PLA2G2C: variants seen among roughly 807,000 people sequenced by gnomAD.
PLA2G2C encodes the protein phospholipase A2 group IIC, also known as putative inactive group IIC secretory phospholipase A2.
PLA2G2C carries 15 observed loss-of-function variants against 14.3 expected under a neutral mutation model. The observed-to-expected ratio is 1.05, with a 90% CI of 0.70 to 1.62. The LOEUF (loss-of-function observed/expected upper bound fraction) is 1.62, where lower values mean the gene tolerates loss of function less well. Among genes scored for constraint, PLA2G2C ranks in the 40% most tolerant of loss-of-function variants. The pLI, the probability that PLA2G2C is intolerant of heterozygous loss-of-function variation, is 0.00. For missense variants in PLA2G2C, 162 were observed against 173.2 expected (o/e 0.94, Z 0.36); for synonymous variants, 79 against 67.7 (o/e 1.17, Z -0.82).
intron 4 of PLA2G2C, 139 bp downstream of exon 4, chr1:20,172,655 C>G (rs2100717803): frequency 2.7e-6 from 2 of 732,890 alleles, no homozygotes; most frequent in East Asian, 2.8e-5. Flanking sequence ...TCTGGAGCAT[C>G]AGGAGAAAGC....
At chr1:20,173,970 C>T (rs964271357) in intron 3 of PLA2G2C, among the ~76,000 whole-genome samples, 8 of 152,212 alleles carry the variant, frequency 5.3e-5, no homozygotes, top group Non-Finnish European at 1.0e-4. Flanking sequence ...AACTCTGCCA[C>T]TTAGAAGCTG....
In PLA2G2C at chr1:20,164,032, A is replaced by C; in HGVS notation, c.409T>G (p.Ser137Ala). 1 of 1,613,534 alleles carries C rather than the reference A, an allele frequency of 6.2e-7. No individual in the cohort carries two copies. Among genetic ancestry groups the C allele is most frequent in the Non-Finnish European group, 8.5e-7 (1 of 1,179,730 alleles). ...TGTCTGCCACACCTGGGCTGGCTGG[A>C]GAACTGCTTGAAGTTTTTCTCATAG... ...PTYEKNFKQF[S>A]SQPRCGRHKP... The change falls in exon 5 of 5, where the codon TCC (serine) becomes GCC (alanine). Residue 137 changes from serine to alanine, a missense_variant. Physicochemically the swap from Ser to Ala is moderately conservative, Grantham distance 99. Coordinates refer to ENST00000679259, the MANE Select transcript of PLA2G2C (RefSeq NM_001367969.2).
intron 1 of PLA2G2C, among the ~76,000 whole-genome samples, chr1:20,179,359 CGTGT>C (rs769808103): frequency 4.6e-5 from 7 of 150,608 alleles, no homozygotes; most frequent in African/African-American, 1.5e-4. Flanking sequence ...GGGCTCTGTG[CGTGT>C]GTGTGTCAGC....
chr1:20,165,779 C>T (rs746677294), intron 4 of PLA2G2C, among the ~76,000 whole-genome samples: 9 of 151,768 alleles, frequency 5.9e-5, no homozygotes, highest in African/African-American at 9.7e-5. Context: ...TATGTGCGTG[C>T]GCATGTGTGT....
intron 1 of PLA2G2C, among the ~76,000 whole-genome samples, chr1:20,185,376 G>A (rs754875145): frequency 1.3e-4 from 20 of 152,170 alleles, no homozygotes; most frequent in Admixed American, 7.9e-4. Context: ...TGAGAATGCC[G>A]AGGTAATGGG....
chr1:20,180,583 C>T (rs1288034527), intron 1 of PLA2G2C, among the ~76,000 whole-genome samples: 1 of 152,242 alleles, frequency 6.6e-6, no homozygotes, highest in African/African-American at 2.4e-5. Flanking sequence ...GCTCTTTCTC[C>T]TTGCCAGTCT....
At chr1:20,164,406 G>C (rs1245326400) in intron 4 of PLA2G2C, among the ~76,000 whole-genome samples, 1 of 152,122 alleles carries the variant, frequency 6.6e-6, no homozygotes, top group African/African-American at 2.4e-5. Flanking sequence ...GCATGTGCCT[G>C]TGTATGTGTG....
chr1:20,181,161 C>T (rs1041430383), intron 1 of PLA2G2C, among the ~76,000 whole-genome samples: 5 of 152,138 alleles, frequency 3.3e-5, no homozygotes, highest in Non-Finnish European at 7.3e-5. Flanking sequence ...AGATAAGTGC[C>T]ATTATTACCC....
chr1:20,180,514 T>A (rs1345474583), intron 1 of PLA2G2C, among the ~76,000 whole-genome samples: 5 of 152,140 alleles, frequency 3.3e-5, no homozygotes, highest in Admixed American at 2.6e-4. Flanking sequence ...CCTGAAAAAA[T>A]CCACACAGCT....
At chr1:20,176,370 C>T (rs1319214439) in intron 2 of PLA2G2C, among the ~76,000 whole-genome samples, 2 of 152,102 alleles carry the variant, frequency 1.3e-5, no homozygotes, top group Non-Finnish European at 2.9e-5. Context: ...TACCTTGTTG[C>T]TATATACTCA....
chr1:20,173,126 T>C (rs865816292), intron 3 of PLA2G2C, among the ~76,000 whole-genome samples: 2 of 148,344 alleles, frequency 1.3e-5, no homozygotes, highest in Middle Eastern at 3.3e-3. Flanking sequence ...CTGGGCAACA[T>C]AGGGAGACCG....
In PLA2G2C at chr1:20,177,335, A is replaced by G; in HGVS notation, c.29T>C (p.Leu10Pro). The change falls in exon 2 of 5, where the codon CTC (leucine) becomes CCC (proline). Residue 10 changes from leucine (L) to proline (P), a missense_variant. Physicochemically the swap from Leu to Pro is moderately conservative, Grantham distance 98 (BLOSUM62 -3). Coordinates refer to ENST00000679259, the MANE Select transcript of PLA2G2C (RefSeq NM_001367969.2). ...AGCTCTCTACTTACAGCAGAAGAGG[A>G]GGAGGGTGAGGATGGCAATGACCTT... is the stretch of plus-strand genomic sequence containing the variant. MKVIAILTL[L>P]LFCSPTHSSF... is the part of the protein sequence containing the mutation. 1 of 700,766 alleles carries G rather than the reference A, an allele frequency of 1.4e-6. No individual in the cohort carries two copies. The highest frequency in any genetic ancestry group is 2.6e-6 in the Non-Finnish European group (1 of 384,804). The allele number at this position is 700,766 out of a possible 1,614,324, so 43.4% of individuals were successfully genotyped here. A position where few individuals can be genotyped will look rare whatever the true frequency, so the allele number is the denominator to read the frequency against.
chr1:20,175,622 A>C (rs2018169469), intron 2 of PLA2G2C, among the ~76,000 whole-genome samples: 1 of 152,166 alleles, frequency 6.6e-6, no homozygotes, highest in African/African-American at 2.4e-5. Flanking sequence ...GTACACATGA[A>C]CTCAGCTGTT....
rs367845831 is a variant in PLA2G2C, at chr1:20,172,169, G to A, written c.283+625C>T. 2.5e-4 allele frequency among the ~76,000 whole-genome samples: 38 copies of A among 152,160 alleles called. 1 individual carries two copies. Among genetic ancestry groups the A allele is most frequent in the South Asian group, 1.2e-3 (6 of 4,822 alleles). Reference sequence around the variant, plus strand: ...GGTGCTCACGAAAGACTACTGTCCCGTGCCTCCAAATGTGCCTGCTGTCTA... The same window carrying A: ...GGTGCTCACGAAAGACTACTGTCCCATGCCTCCAAATGTGCCTGCTGTCTA... On this transcript the variant is annotated intron_variant, in intron 4 of 4. Coordinates refer to ENST00000679259, the MANE Select transcript of PLA2G2C (RefSeq NM_001367969.2).
rs759068209 is a variant in PLA2G2C at position 20,172,786 on chromosome 1, C to A, written c.283+8G>T. 5.6e-6 allele frequency: 9 copies of A among 1,609,244 alleles called. No individual in the cohort carries two copies. Among genetic ancestry groups the A allele is most frequent in the Non-Finnish European group, 7.6e-6 (9 of 1,176,568 alleles). On this transcript the variant is annotated splice_region_variant and intron_variant, in intron 4 of 4. Transcript: ENST00000679259. ...AAAAGACATTTCCATACAGAAAAGG[C>A]TACTCACAAACCACTGCGCCATTGA...
intron 4 of PLA2G2C, among the ~76,000 whole-genome samples, chr1:20,167,600 G>A (rs1449294311): frequency 6.6e-6 from 1 of 152,110 alleles, no homozygotes; most frequent in African/African-American, 2.4e-5. Context: ...CCCCTAATGA[G>A]GCCCTTCTTT....
chr1:20,184,340 G>A (rs1418160573), intron 1 of PLA2G2C: 2 of 152,260 alleles, frequency 1.3e-5, no homozygotes, highest in Non-Finnish European at 2.9e-5. Context: ...AAGGGCTGAA[G>A]AGCATCGCTA....
At chr1:20,169,466 C>T (rs977674737) in intron 4 of PLA2G2C, among the ~76,000 whole-genome samples, 1 of 152,168 alleles carries the variant, frequency 6.6e-6, no homozygotes, top group African/African-American at 2.4e-5. Flanking sequence ...AGGTATGAGC[C>T]ACCACACCTG....
Position 20,175,050 on chromosome 1 carries a change from A to G in PLA2G2C, c.136T>C (p.Cys46Arg), listed in dbSNP as rs777895493. ...FFSYYGYGCY[C>R]GLGDKGIPVD... ...GGGATCCCTTTATCCCCAAGCCCAC[A>G]GTAGCAGCCATATCCGTAATATGAG... is the stretch of plus-strand genomic sequence containing the variant. The change falls in exon 3 of 5, where the codon TGT becomes CGT. Residue 46 changes from cysteine (C) to arginine (R), a missense_variant. Coordinates refer to ENST00000679259, the MANE Select transcript of PLA2G2C (RefSeq NM_001367969.2). The G allele has an allele frequency of 3.1e-6, 5 of 1,614,020 alleles. No homozygotes were observed. The East Asian group carries it at 6.7e-5, about 22-fold the overall frequency.
Sources: allele counts gnomAD v4.1 joint callset (sites outside exome capture counted in the v4.1 genomes callset), GRCh38; gene constraint gnomAD v4.1.1; transcripts MANE v1.5; gene names NCBI Gene and HGNC (gene_info 2026-07-23, HGNC 2026-07-21).